Variants in PDE4D observed in about 807,000 individuals in gnomAD.
The protein encoded by PDE4D is 3',5'-cyclic-AMP phosphodiesterase 4D.
A neutral mutation model predicts 87.4 loss-of-function variants in PDE4D; 24 were observed. That is an observed-to-expected ratio of 0.27 (90% CI 0.20 to 0.39). The LOEUF (loss-of-function observed/expected upper bound fraction) is 0.39, where lower values mean the gene tolerates loss of function less well. Among genes scored for constraint, PDE4D ranks in the 10% least tolerant of loss-of-function variants. PDE4D has a pLI of 1.00. For missense variants in PDE4D, 714 were observed against 1,041.0 expected (o/e 0.69, Z 4.32); for synonymous variants, 384 against 383.2 (o/e 1.00, Z -0.02).
At chr5:59,537,828 T>C (rs976094307) in intron 1 of PDE4D, among the ~76,000 whole-genome samples, 1 of 152,212 alleles carries the variant, frequency 6.6e-6, no homozygotes, top group Non-Finnish European at 1.5e-5. Flanking sequence ...GTTGTAAACA[T>C]AGTCCTTCTT....
At chr5:60,487,080 G>C (rs1749202836) in intron 1 of PDE4D, among the ~76,000 whole-genome samples, 1 of 152,206 alleles carries the variant, frequency 6.6e-6, no homozygotes, top group Non-Finnish European at 1.5e-5. Context: ...ATTCTACCCT[G>C]CAGTGTATGC....
At chr5:60,312,639 G>A (rs1420312524) in intron 1 of PDE4D, among the ~76,000 whole-genome samples, 3 of 152,050 alleles carry the variant, frequency 2.0e-5, no homozygotes, top group Non-Finnish European at 2.9e-5. Flanking sequence ...GAACCACATG[G>A]GGGAAACCAC....
At chr5:60,208,987 C>T (rs1236823897) in intron 1 of PDE4D, among the ~76,000 whole-genome samples, 4 of 152,004 alleles carry the variant, frequency 2.6e-5, no homozygotes, top group Non-Finnish European at 5.9e-5. Flanking sequence ...AAAAGCAACT[C>T]AAAGCTGATA....
intron 11 of PDE4D, among the ~76,000 whole-genome samples, chr5:58,979,931 T>C (rs1416420307): frequency 6.6e-6 from 1 of 152,222 alleles, no homozygotes; most frequent in African/African-American, 2.4e-5. Flanking sequence ...TTTGGTTATC[T>C]GGCTTCCCCT....
At position 59,056,964 on chromosome 5, in the gene PDE4D, T is replaced by A. The variant is rs115656612; in HGVS notation, c.809-17993A>T. 1.8e-3 allele frequency among the ~76,000 whole-genome samples: 273 copies of A among 152,258 alleles called. 1 individual carries two copies. The highest frequency in any genetic ancestry group is 7.9e-3 in the South Asian group (38 of 4,816). On this transcript the variant is annotated intron_variant, in intron 5 of 14. Coordinates refer to ENST00000340635, the MANE Select transcript of PDE4D (RefSeq NM_001104631.2). ...GCAGCTTGAATTCTTCACTTTTTGCTCCCATTATGTGCCTCTTTCTCCTCT... is the reference window on the plus strand; with the variant it reads ...GCAGCTTGAATTCTTCACTTTTTGCACCCATTATGTGCCTCTTTCTCCTCT...
intron 2 of PDE4D, among the ~76,000 whole-genome samples, chr5:60,023,068 C>T (rs1418849347): frequency 1.3e-5 from 2 of 152,122 alleles, no homozygotes; most frequent in Non-Finnish European, 2.9e-5. Context: ...TGGAGCAAAA[C>T]CTCCTTCTTT....
chr5:60,456,330 C>A (rs1746466239), intron 1 of PDE4D, among the ~76,000 whole-genome samples: 4 of 152,234 alleles, frequency 2.6e-5, no homozygotes. Flanking sequence ...AAGCAAGTGA[C>A]ACGAGGCAAG....
intron 1 of PDE4D, among the ~76,000 whole-genome samples, chr5:59,248,027 T>C (rs1759189145): frequency 9.7e-6 from 1 of 102,730 alleles, no homozygotes; most frequent in Non-Finnish European, 1.8e-5. Flanking sequence ...TTTTATTGGA[T>C]ACCGTATCTA....
At chr5:59,433,968 C>T (rs146949616) in intron 1 of PDE4D, among the ~76,000 whole-genome samples, 9 of 152,050 alleles carry the variant, frequency 5.9e-5, no homozygotes, top group African/African-American at 2.2e-4. Context: ...TTTAACTCTA[C>T]CCTGGCCTAC....
intron 1 of PDE4D, among the ~76,000 whole-genome samples, chr5:60,360,470 T>G (rs890084188): frequency 1.3e-5 from 2 of 152,220 alleles, no homozygotes; most frequent in Non-Finnish European, 2.9e-5. Flanking sequence ...ATATCTGCCT[T>G]TTCACACAGC....
intron 1 of PDE4D, among the ~76,000 whole-genome samples, chr5:59,268,294 T>C (rs1763193690): frequency 1.3e-5 from 2 of 152,100 alleles, no homozygotes; most frequent in African/African-American, 2.4e-5. Context: ...AAAAACTGCA[T>C]CCATAGGTTC....
chr5:60,320,898 G>A (rs13168619), intron 1 of PDE4D, among the ~76,000 whole-genome samples: 42,371 of 151,826 alleles, frequency 0.28, 7,384 homozygotes, highest in African/African-American at 0.49. Context: ...CAAAGAAATC[G>A]GAAATAACAC....
Position 59,384,764 on chromosome 5 carries a change from AC to A in PDE4D, c.456-168797del, listed in dbSNP as rs199607121. 4.4e-3 allele frequency among the ~76,000 whole-genome samples: 642 copies of A among 147,414 alleles called. 1 individual carries two copies. The highest frequency in any genetic ancestry group is 0.014 in the African/African-American group (570 of 39,918). On this transcript the variant is annotated intron_variant, in intron 1 of 14. Coordinates refer to ENST00000340635, the MANE Select transcript of PDE4D (RefSeq NM_001104631.2). The stretch of plus-strand genomic sequence containing the variant: ...CTATAATTCTAAGTAATATGCTTAT[AC>A]TGGGTTTTTTTTTCTTGATTTTCAT...
At chr5:59,269,048 A>C (rs1258030277) in intron 1 of PDE4D, among the ~76,000 whole-genome samples, 1 of 152,038 alleles carries the variant, frequency 6.6e-6, no homozygotes, top group African/African-American at 2.4e-5. Flanking sequence ...CTCTCCTAAA[A>C]GGCAAGTTTT....
intron 6 of PDE4D, among the ~76,000 whole-genome samples, chr5:59,017,133 G>A (rs1025180025): frequency 7.2e-5 from 11 of 152,182 alleles, no homozygotes; most frequent in African/African-American, 1.9e-4. Flanking sequence ...AATGAGAGCC[G>A]AGGCAAGTCA....
rs35440197 is a variant in PDE4D, at chr5:60,449,071, G to GCACACA, written c.-90+38865_-90+38870dup. Among the ~76,000 whole-genome samples, 316 of 95,136 alleles carry GCACACA rather than the reference G, an allele frequency of 3.3e-3. 2 individuals are homozygous for GCACACA. The highest frequency in any genetic ancestry group is 0.013 in the East Asian group (45 of 3,460). The allele number at this position is 95,136 out of a possible 152,430, so 62.4% of individuals were successfully genotyped here. On this transcript the variant is annotated intron_variant, in intron 1 of 16. Coordinates refer to the PDE4D transcript ENST00000502484. ...TTCACCCACCCCCCCAACTGCCCGCGCACACACACACACACACACACACAC... is the reference window on the plus strand; with the variant it reads ...TTCACCCACCCCCCCAACTGCCCGCGCACACACACACACACACACACACACACACAC...
At chr5:60,373,792 G>A (rs2149990050) in intron 1 of PDE4D, among the ~76,000 whole-genome samples, 2 of 152,268 alleles carry the variant, frequency 1.3e-5, no homozygotes, top group Middle Eastern at 3.4e-3. Context: ...TGGCTTCCAA[G>A]GGCCGTCCTT....
intron 2 of PDE4D, among the ~76,000 whole-genome samples, chr5:60,099,395 T>C (rs1776008645): frequency 2.0e-5 from 3 of 151,974 alleles, no homozygotes; most frequent in Admixed American, 2.0e-4. Context: ...ATATAAAATA[T>C]ATTGACATAC....
At chr5:59,478,806 T>C (rs1281320112) in intron 1 of PDE4D, among the ~76,000 whole-genome samples, 1 of 152,072 alleles carries the variant, frequency 6.6e-6, no homozygotes, top group Non-Finnish European at 1.5e-5. Context: ...AACTATCTAT[T>C]TGACTTAGTT....
Sources: allele counts gnomAD v4.1 joint callset (sites outside exome capture counted in the v4.1 genomes callset), GRCh38; gene constraint gnomAD v4.1.1; transcripts MANE v1.5; gene names NCBI Gene and HGNC (gene_info 2026-07-23, HGNC 2026-07-21).